PHF24: variants seen among roughly 807,000 people sequenced by gnomAD.
PHF24 encodes the protein PHD finger protein 24, also known as Galpha inhibitory interacting protein.
In PHF24, 25 loss-of-function variants were observed where a neutral mutation model predicts 42.6. That is an observed-to-expected ratio of 0.59 (90% CI 0.43 to 0.82). PHF24 has a LOEUF of 0.82. PHF24 is among the 40% of genes least tolerant of loss of function. The pLI, the probability that PHF24 is intolerant of heterozygous loss-of-function variation, is 0.00. For missense variants in PHF24, 470 were observed against 538.1 expected, an observed-to-expected ratio of 0.87 and a Z score of 1.25; for synonymous variants, 185 against 204.8, an observed-to-expected ratio of 0.90 and a Z score of 0.83.
chr9:34,835,607 G>A, the PHF24 span: 2 of 1,551,720 alleles, frequency 1.3e-6, no homozygotes, highest in Non-Finnish European at 1.7e-6. Context: ...TCCTGGTTCA[G>A]TGGAGCCCTT....
the PHF24 span, among the ~76,000 whole-genome samples, chr9:34,839,554 T>C: frequency 0.27 from 40,802 of 152,176 alleles, 6,824 homozygotes; most frequent in East Asian, 0.54. Context: ...TAGAAGGTGT[T>C]GCCCTGGTGA....
chr9:34,914,441 C>T, the PHF24 span, among the ~76,000 whole-genome samples: 1 of 152,082 alleles, frequency 6.6e-6, no homozygotes, highest in African/African-American at 2.4e-5. Context: ...CCTCCCCATT[C>T]CTACAATAAA....
At chr9:34,696,608 G>A in the PHF24 span, among the ~76,000 whole-genome samples, 6 of 152,064 alleles carry the variant, frequency 3.9e-5, no homozygotes, top group Admixed American at 6.6e-5. Context: ...CAAGACCCGA[G>A]TGTCTTGGAT....
the PHF24 span, among the ~76,000 whole-genome samples, chr9:34,815,084 G>A: frequency 1.3e-5 from 2 of 152,292 alleles, no homozygotes; most frequent in South Asian, 4.1e-4. Flanking sequence ...AGCTGATTTT[G>A]TTAATTTCTC....
At chr9:34,836,021 G>T in the PHF24 span, 2 of 646,448 alleles carry the variant, frequency 3.1e-6, no homozygotes, top group Non-Finnish European at 5.9e-6. Context: ...AGGATTCGCC[G>T]CACACTTCCC....
chr9:34,841,904 A>G, the PHF24 span, among the ~76,000 whole-genome samples: 1 of 152,266 alleles, frequency 6.6e-6, no homozygotes, highest in African/African-American at 2.4e-5. Flanking sequence ...TCACATTTGT[A>G]TATACTTGTG....
At chr9:34,691,770 C>T in the PHF24 span, among the ~76,000 whole-genome samples, 1 of 152,304 alleles carries the variant, frequency 6.6e-6, no homozygotes, top group Non-Finnish European at 1.5e-5. Flanking sequence ...GGGAACCAGT[C>T]CTTCCCTTGG....
chr9:34,908,256 T>C, the PHF24 span, among the ~76,000 whole-genome samples: 3 of 152,216 alleles, frequency 2.0e-5, no homozygotes, highest in African/African-American at 7.2e-5. Flanking sequence ...GTTGTAAGGA[T>C]ATTTTAGGCT....
the PHF24 span, among the ~76,000 whole-genome samples, chr9:34,945,006 G>A: frequency 6.6e-6 from 1 of 152,008 alleles, no homozygotes; most frequent in African/African-American, 2.4e-5. Context: ...CCTCTGCAAA[G>A]CATCAATTCA....
At chr9:34,685,920 G>T in the PHF24 span, among the ~76,000 whole-genome samples, 1 of 152,156 alleles carries the variant, frequency 6.6e-6, no homozygotes, top group East Asian at 1.9e-4. Flanking sequence ...AGATATTCTG[G>T]AGCCAAACTG....
At chr9:34,927,177 A>G in the PHF24 span, among the ~76,000 whole-genome samples, 3 of 152,186 alleles carry the variant, frequency 2.0e-5, no homozygotes, top group South Asian at 2.1e-4. Context: ...CAGACTGTTC[A>G]TCTGGCTGGA....
At chr9:34,905,456 G>T in the PHF24 span, among the ~76,000 whole-genome samples, 1 of 152,236 alleles carries the variant, frequency 6.6e-6, no homozygotes, top group African/African-American at 2.4e-5. Context: ...TAACTTAAAA[G>T]TTACATGCTT....
the PHF24 span, among the ~76,000 whole-genome samples, chr9:34,875,944 ACACACACTCTCTCTCTCTCTCTCT>A: frequency 8.2e-5 from 7 of 85,588 alleles, no homozygotes; most frequent in Non-Finnish European, 1.6e-4. Context: ...ACACACACAC[ACACACACTCTCTCTCTCTCTCTCT>A]CTCTCTCTCT....
chr9:34,912,373 G>A, the PHF24 span, among the ~76,000 whole-genome samples: 15 of 152,042 alleles, frequency 9.9e-5, no homozygotes, highest in African/African-American at 3.6e-4. Flanking sequence ...AACTCTCTAC[G>A]AAAGGACTGG....
the PHF24 span, among the ~76,000 whole-genome samples, chr9:34,721,390 G>A: frequency 7.3e-6 from 1 of 136,424 alleles, no homozygotes; most frequent in Admixed American, 7.4e-5. Flanking sequence ...ACTAATTGCT[G>A]TCTTTCCATT....
At chr9:34,735,133 C>CTTTTTTTTTTTTT in the PHF24 span, among the ~76,000 whole-genome samples, 1 of 112,486 alleles carries the variant, frequency 8.9e-6, no homozygotes, top group Non-Finnish European at 1.8e-5. Context: ...TTTCTTTTTT[C>CTTTTTTTTTTTTT]TTTTTTTTTT....
the PHF24 span, among the ~76,000 whole-genome samples, chr9:34,785,621 A>G: frequency 6.6e-6 from 1 of 152,316 alleles, no homozygotes. Context: ...TAGGTACAGG[A>G]AGTAATACAC....
At position 34,969,652 on chromosome 9, in the gene PHF24, A is replaced by C. The variant is rs578098539; in HGVS notation, c.-4-1643A>C. 7.8e-4 allele frequency among the ~76,000 whole-genome samples: 118 copies of C among 151,532 alleles called. 3 individuals are homozygous for C. The Middle Eastern group carries it at 0.017, about 22-fold the overall frequency. ...CGAGACTCTGTCTCAAAAAAAAAAA[A>C]CCAAAAAAACAAAAAACTGCCCTCT... On this transcript the variant is annotated intron_variant, in intron 1 of 7. Coordinates refer to ENST00000242315, the Ensembl canonical transcript of PHF24.
chr9:34,819,468 A>G, the PHF24 span, among the ~76,000 whole-genome samples: 1 of 152,158 alleles, frequency 6.6e-6, no homozygotes, highest in African/African-American at 2.4e-5. Context: ...TAACTGCTTT[A>G]GCTACATACC....
Sources: allele counts gnomAD v4.1 joint callset (sites outside exome capture counted in the v4.1 genomes callset), GRCh38; gene constraint gnomAD v4.1.1; transcripts MANE v1.5; gene names NCBI Gene and HGNC (gene_info 2026-07-23, HGNC 2026-07-21).